SPMAP1: variants seen among roughly 807,000 people sequenced by gnomAD.
SPMAP1 encodes the protein sperm microtubule associated protein 1.
the SPMAP1 span, among the ~76,000 whole-genome samples, chr17:38,836,156 C>T: frequency 3.3e-5 from 5 of 152,128 alleles, no homozygotes; most frequent in African/African-American, 9.6e-5. Flanking sequence ...CCTCGTGACC[C>T]GCCTGCCTCG....
chr17:38,839,043 G>A, the SPMAP1 span, among the ~76,000 whole-genome samples: 10,532 of 130,816 alleles, frequency 0.081, 413 homozygotes, highest in African/African-American at 0.1. Flanking sequence ...CTGAGATGAC[G>A]CCACTGCACT....
chr17:38,840,510 T>G, the SPMAP1 span, among the ~76,000 whole-genome samples: 1 of 150,020 alleles, frequency 6.7e-6, no homozygotes, highest in Non-Finnish European at 1.5e-5. Flanking sequence ...CTCCCTTTCC[T>G]CCAGTCCTCG....
At chr17:38,835,279 G>A in the SPMAP1 span, 1 of 1,614,126 alleles carries the variant, frequency 6.2e-7, no homozygotes, top group Non-Finnish European at 8.5e-7. Flanking sequence ...ACCTTCCATT[G>A]AACCCATCGA....
At chr17:38,839,401 G>A in the SPMAP1 span, among the ~76,000 whole-genome samples, 5 of 149,522 alleles carry the variant, frequency 3.3e-5, no homozygotes, top group East Asian at 5.9e-4. Context: ...ACGGAAAGCA[G>A]AGGTTGCAGT....
chr17:38,839,493 G>T, the SPMAP1 span, among the ~76,000 whole-genome samples: 3 of 139,968 alleles, frequency 2.1e-5, no homozygotes, highest in African/African-American at 7.9e-5. Context: ...GAAAAGAAAA[G>T]AAAAGAAAAA....
chr17:38,837,954 T>C, the SPMAP1 span, among the ~76,000 whole-genome samples: 1 of 152,180 alleles, frequency 6.6e-6, no homozygotes, highest in Non-Finnish European at 1.5e-5. Context: ...AGTGTTGCCA[T>C]CTCGGCTCAC....
chr17:38,839,591 C>G, the SPMAP1 span, among the ~76,000 whole-genome samples: 2 of 151,810 alleles, frequency 1.3e-5, no homozygotes, highest in Non-Finnish European at 2.9e-5. Context: ...TTCGAGAACA[C>G]CCTGGCTAAC....
At chr17:38,837,000 T>C in the SPMAP1 span, 1 of 675,130 alleles carries the variant, frequency 1.5e-6, no homozygotes, top group Non-Finnish European at 2.7e-6. Flanking sequence ...TATTAACTAA[T>C]ATTAGGGGGC....
chr17:38,837,803 G>C, the SPMAP1 span, among the ~76,000 whole-genome samples: 1 of 152,124 alleles, frequency 6.6e-6, no homozygotes, highest in African/African-American at 2.4e-5. Context: ...TCTAACTCCA[G>C]CTCAACCATT....
the SPMAP1 span, among the ~76,000 whole-genome samples, chr17:38,836,831 A>G: frequency 5.3e-5 from 8 of 151,848 alleles, no homozygotes; most frequent in African/African-American, 1.7e-4. Flanking sequence ...CCTGACCTCA[A>G]GTGATCCACC....
the SPMAP1 span, among the ~76,000 whole-genome samples, chr17:38,836,900 A>G: frequency 6.6e-6 from 1 of 151,748 alleles, no homozygotes; most frequent in Admixed American, 6.6e-5. Context: ...TGTCCGTGCT[A>G]CTGCATTTCA....
At chr17:38,835,183 A>G in the SPMAP1 span, 2 of 1,613,648 alleles carry the variant, frequency 1.2e-6, no homozygotes, top group Non-Finnish European at 8.5e-7. Context: ...AAGGGAAAAG[A>G]TGCTGTTAGA....
At chr17:38,839,661 G>A in the SPMAP1 span, among the ~76,000 whole-genome samples, 3 of 151,752 alleles carry the variant, frequency 2.0e-5, no homozygotes, top group East Asian at 3.9e-4. Flanking sequence ...ACGGGCGGGC[G>A]TGGTGGCGGG....
At chr17:38,837,883 G>T in the SPMAP1 span, among the ~76,000 whole-genome samples, 2 of 152,112 alleles carry the variant, frequency 1.3e-5, no homozygotes, top group East Asian at 3.9e-4. Context: ...GGTAAAAGGA[G>T]TATTGCTGTG....
the SPMAP1 span, among the ~76,000 whole-genome samples, chr17:38,835,514 C>T: frequency 6.6e-6 from 1 of 152,204 alleles, no homozygotes; most frequent in Non-Finnish European, 1.5e-5. Flanking sequence ...AAGCCAAGGG[C>T]TGGTGAGGTT....
At chr17:38,836,581 CTTTCTTTTTTT>C in the SPMAP1 span, among the ~76,000 whole-genome samples, 20 of 97,400 alleles carry the variant, frequency 2.1e-4, no homozygotes, top group East Asian at 8.9e-4. Flanking sequence ...TTCTTTCTTT[CTTTCTTTTTTT>C]TTTTTTTTTT....
At chr17:38,838,651 C>G in the SPMAP1 span, among the ~76,000 whole-genome samples, 5 of 151,814 alleles carry the variant, frequency 3.3e-5, no homozygotes, top group East Asian at 7.8e-4. Flanking sequence ...TGGTGGCACA[C>G]GCCTATAGTC....
At chr17:38,837,366 G>T in the SPMAP1 span, 1 of 717,778 alleles carries the variant, frequency 1.4e-6, no homozygotes, top group Non-Finnish European at 2.5e-6. Flanking sequence ...GGTAACTGGT[G>T]CAGACAGATT....
chr17:38,841,053 A>C, the SPMAP1 span: 1 of 621,070 alleles, frequency 1.6e-6, no homozygotes. Flanking sequence ...AAATAATAAT[A>C]ATAAATAAAA....
Sources: gnomAD v4.1 joint callset for allele counts (sites outside exome capture counted in the v4.1 genomes callset) on GRCh38, gnomAD v4.1.1 for gene constraint, MANE v1.5 for transcripts, NCBI Gene and HGNC (gene_info 2026-07-23, HGNC 2026-07-21) for gene names.